Variants in PFKFB3 observed in about 807,000 individuals in gnomAD.
PFKFB3 encodes 6-phosphofructo-2-kinase/fructose-2,6-bisphosphatase 3.
Under a neutral mutation model 68.0 loss-of-function variants are expected in PFKFB3, and 33 were observed. That is an observed-to-expected ratio of 0.49 (90% CI 0.37 to 0.65). The LOEUF is 0.65. Ranked by LOEUF, PFKFB3 falls within the 30% of genes least tolerant of loss-of-function variation. The probability of loss-of-function intolerance (pLI) is 0.00; values close to 1 mark genes in which losing one functional copy is unlikely to be tolerated. For synonymous variants in PFKFB3, 315 were observed against 288.2 expected (o/e 1.09, Z -0.94); for missense variants, 586 against 712.2 (o/e 0.82, Z 2.02).
At chr10:6,194,707 G>A (rs984792522) in intron 1 of PFKFB3, among the ~76,000 whole-genome samples, 5 of 152,186 alleles carry the variant, frequency 3.3e-5, no homozygotes, top group Admixed American at 6.5e-5. Context: ...TGTGGATTCA[G>A]TGGGAAGCTG....
At chr10:6,189,853 C>T (rs1842978178) in intron 1 of PFKFB3, among the ~76,000 whole-genome samples, 1 of 152,000 alleles carries the variant, frequency 6.6e-6, no homozygotes, top group South Asian at 2.1e-4. Flanking sequence ...ATGGTGCCCG[C>T]CAGTTTTCTC....
chr10:6,237,084 G>A (rs530189870), downstream of PFKFB3, among the ~76,000 whole-genome samples: 20 of 152,320 alleles, frequency 1.3e-4, no homozygotes, highest in East Asian at 9.6e-4. Flanking sequence ...CAGGGCCTTC[G>A]AGAGTGCCGC....
chr10:6,294,018 C>A, the PFKFB3 span: 1 of 526,322 alleles, frequency 1.9e-6, no homozygotes, highest in South Asian at 1.4e-5. Flanking sequence ...TCTACAAATT[C>A]CAACATCATT....
At chr10:6,272,235 C>T in the PFKFB3 span, among the ~76,000 whole-genome samples, 1 of 152,224 alleles carries the variant, frequency 6.6e-6, no homozygotes, top group Non-Finnish European at 1.5e-5. Context: ...ATAAATGTCC[C>T]TTCTGTCCCT....
the PFKFB3 span, among the ~76,000 whole-genome samples, chr10:6,270,743 A>G: frequency 6.6e-6 from 1 of 152,174 alleles, no homozygotes; most frequent in Non-Finnish European, 1.5e-5. Context: ...ATCGGACCAC[A>G]TGCCTCCTTT....
At chr10:6,293,432 G>A in the PFKFB3 span, 1 of 212,616 alleles carries the variant, frequency 4.7e-6, no homozygotes, top group Non-Finnish European at 9.4e-6. Context: ...TTCATCCCCT[G>A]CCTCCTGGAT....
intron 1 of PFKFB3, among the ~76,000 whole-genome samples, chr10:6,178,049 A>C (rs1374553913): frequency 6.6e-6 from 1 of 152,148 alleles, no homozygotes; most frequent in Non-Finnish European, 1.5e-5. Flanking sequence ...TGAAGACCCT[A>C]GTCAGGAGGG....
At chr10:6,292,489 C>T in the PFKFB3 span, among the ~76,000 whole-genome samples, 11 of 151,222 alleles carry the variant, frequency 7.3e-5, no homozygotes, top group East Asian at 2.1e-3. Context: ...GTTTCACCAT[C>T]TCTACTAGCC....
chr10:6,256,200 C>T (rs902332764), downstream of PFKFB3, among the ~76,000 whole-genome samples: 1 of 152,164 alleles, frequency 6.6e-6, no homozygotes, highest in Non-Finnish European at 1.5e-5. Flanking sequence ...CAGACTGGTA[C>T]TTTTCTGGAG....
chr10:6,205,791 T>TTTA (rs1421318040), intron 1 of PFKFB3, among the ~76,000 whole-genome samples: 1 of 150,488 alleles, frequency 6.6e-6, no homozygotes, highest in Non-Finnish European at 1.5e-5. Flanking sequence ...TATTTATTTA[T>TTTA]TTATTTATTT....
rs949197977 is a variant in PFKFB3, at chr10:6,229,002, A to G, written c.1515+2637A>G. 6 of 449,870 alleles carry G rather than the reference A, an allele frequency of 1.3e-5. No individual in the cohort carries two copies. The highest frequency in any genetic ancestry group is 2.8e-5 in the Non-Finnish European group (6 of 213,728). The allele number at this position is 449,870 out of a possible 1,614,324, so 27.9% of individuals were successfully genotyped here. A position where few individuals can be genotyped will look rare whatever the true frequency, so the allele number is the denominator to read the frequency against. On this transcript the variant is annotated intron_variant, in intron 14 of 14. Transcript: ENST00000379775. The surrounding 1 kb of genome is among the most constrained non-coding windows in gnomAD (Gnocchi z 4.3). ...AGGAGCAGAGGCCTTCCTGCCACAG[A>G]ACTTTAATGACAGCCACATGAAGTG...
chr10:6,295,170 C>G, the PFKFB3 span, among the ~76,000 whole-genome samples: 2 of 151,998 alleles, frequency 1.3e-5, no homozygotes, highest in Non-Finnish European at 2.9e-5. Context: ...CCTGTGATGT[C>G]TTGGGTTTTC....
the PFKFB3 span, among the ~76,000 whole-genome samples, chr10:6,302,686 T>C: frequency 6.6e-6 from 1 of 151,716 alleles, no homozygotes; most frequent in African/African-American, 2.4e-5. Context: ...GGCCCATACT[T>C]GTGGTTTTTC....
chr10:6,315,309 C>A, the PFKFB3 span, among the ~76,000 whole-genome samples: 1 of 152,150 alleles, frequency 6.6e-6, no homozygotes, highest in Non-Finnish European at 1.5e-5. Context: ...ATCCAGACCC[C>A]AAGAGAGGGT....
rs1227748737 is a variant in PFKFB3 at position 6,215,805 on chromosome 10, T to G, written c.300-320T>G. 6.6e-6 allele frequency among the ~76,000 whole-genome samples: 1 copy of G among 152,182 alleles called. No homozygotes were observed. Among genetic ancestry groups the G allele is most frequent in the African/African-American group, 2.4e-5 (1 of 41,454 alleles). ...GTCTCCTGGGGGATGCTAAAATCCC[T>G]GATGCCAGGCCCCACCCCAGACCAG... On this transcript the variant is annotated intron_variant, in intron 3 of 14. Transcript: ENST00000379775. This position sits in a 1 kb window ranked among gnomAD's most constrained non-coding sequence, Gnocchi z 4.3.
intron 4 of PFKFB3, among the ~76,000 whole-genome samples, chr10:6,216,437 T>A (rs1362619038): frequency 6.6e-6 from 1 of 152,214 alleles, no homozygotes; most frequent in Non-Finnish European, 1.5e-5. Context: ...TGGCCCTTCC[T>A]TGTACACTGT....
chr10:6,203,061 C>G lies in PFKFB3; in HGVS notation c.-200C>G. The G allele has an allele frequency of 1.4e-6, 2 of 1,395,686 alleles. No individual in the cohort carries two copies. The highest frequency in any genetic ancestry group is 9.3e-7 in the Non-Finnish European group (1 of 1,080,002). The allele number at this position is 1,395,686 out of a possible 1,614,324, so 86.5% of individuals were successfully genotyped here. On this transcript the variant is annotated 5_prime_UTR_variant, in exon 1 of 15. Coordinates refer to ENST00000379775, the MANE Select transcript of PFKFB3 (RefSeq NM_004566.4). ...CGGGCATCCCCAGCCTCGCTACCCT[C>G]GCAGCACACGTCGAGCCCCGCACAG... is the stretch of plus-strand genomic sequence containing the variant.
In PFKFB3 at chr10:6,177,302, A is replaced by C. The variant is rs78236762; in HGVS notation, c.16+32289A>C. Among the ~76,000 whole-genome samples the C allele has an allele frequency of 5.6e-3, 853 of 152,202 alleles. 7 individuals carry two copies. The highest frequency in any genetic ancestry group is 0.02 in the African/African-American group (815 of 41,514). ...TGCTCACCAGATTGCTTTTTCTCTT[A>C]CACATAGTAGAGGTCAATAAAACGG... On this transcript the variant is annotated intron_variant, in intron 1 of 14. Transcript: ENST00000379789.
the PFKFB3 span, among the ~76,000 whole-genome samples, chr10:6,261,823 C>T: frequency 6.6e-6 from 1 of 151,838 alleles, no homozygotes; most frequent in African/African-American, 2.4e-5. Flanking sequence ...GGCGAAACTC[C>T]ATCTCTACTA....
Sources: gnomAD v4.1 joint callset for allele counts (sites outside exome capture counted in the v4.1 genomes callset) on GRCh38, gnomAD v4.1.1 for gene constraint, Gnocchi (gnomAD v3.1) non-coding constraint, MANE v1.5 for transcripts, NCBI Gene and HGNC (gene_info 2026-07-23, HGNC 2026-07-21) for gene names.